PKHD1: variants seen among roughly 807,000 people sequenced by gnomAD.
PKHD1 encodes fibrocystin.
PKHD1 carries 291 observed loss-of-function variants against 412.0 expected under a neutral mutation model. The observed-to-expected ratio is 0.71, with a 90% confidence interval of 0.64 to 0.78. The LOEUF is 0.78. Among genes scored for constraint, PKHD1 ranks in the 30% least tolerant of loss-of-function variants. The pLI, the probability that PKHD1 is intolerant of heterozygous loss-of-function variation, is 0.00. For synonymous variants in PKHD1, 1,777 were observed against 1,821.5 expected (o/e 0.98, Z 0.62); for missense variants, 4,825 against 4,950.7 (o/e 0.97, Z 0.76).
At chr6:51,967,815 C>T (rs950731396) in intron 35 of PKHD1, among the ~76,000 whole-genome samples, 1 of 152,168 alleles carries the variant, frequency 6.6e-6, no homozygotes, top group Admixed American at 6.5e-5. Context: ...GCATGGAGCA[C>T]GTGTTTGTGT....
chr6:51,967,341 T>C (rs2474892), intron 35 of PKHD1, among the ~76,000 whole-genome samples: 226 of 152,214 alleles, frequency 1.5e-3, no homozygotes, highest in African/African-American at 5.2e-3. Flanking sequence ...TAGGAAAAGT[T>C]TGGGGACCCC....
intron 52 of PKHD1, among the ~76,000 whole-genome samples, chr6:51,826,264 GAACA>G (rs1294279374): frequency 6.6e-6 from 1 of 152,064 alleles, no homozygotes; most frequent in Non-Finnish European, 1.5e-5. Context: ...TTAAAAATCA[GAACA>G]AACAGAAGAG....
intron 28 of PKHD1, among the ~76,000 whole-genome samples, 153 bp downstream of exon 28, chr6:52,035,438 T>C (rs895712065): frequency 3.3e-5 from 5 of 152,194 alleles, no homozygotes; most frequent in African/African-American, 1.2e-4. Flanking sequence ...TCCCACTTCA[T>C]AGCAAAACAG....
intron 41 of PKHD1, among the ~76,000 whole-genome samples, chr6:51,905,403 G>A (rs774224470): frequency 2.6e-5 from 4 of 152,122 alleles, no homozygotes; most frequent in African/African-American, 4.8e-5. Context: ...ACTGATTGGC[G>A]CTTAAAGAGC....
Position 51,843,022 on chromosome 6 carries a change from T to C in PKHD1, c.8107+4753A>G, listed in dbSNP as rs142120929. ...GTGGGGCCAAGCAGCTTTTCCTCCT[T>C]TGGACCAAGCAAACATCCTTCTTTT... On this transcript the variant is annotated intron_variant, in intron 50 of 66. Coordinates refer to ENST00000371117, the MANE Select transcript of PKHD1 (RefSeq NM_138694.4). Among the ~76,000 whole-genome samples, 175 of 152,350 alleles carry C rather than the reference T, an allele frequency of 1.1e-3. 1 individual carries two copies. Among genetic ancestry groups the C allele is most frequent in the African/African-American group, 4.0e-3 (167 of 41,588 alleles).
intron 60 of PKHD1, among the ~76,000 whole-genome samples, chr6:51,715,261 A>C (rs546967752): frequency 1.5e-4 from 23 of 152,174 alleles, no homozygotes; most frequent in South Asian, 8.3e-4. Context: ...GGGAGCATAA[A>C]TGAACTTGCC....
intron 64 of PKHD1, among the ~76,000 whole-genome samples, chr6:51,636,090 GA>G (rs774080413): frequency 2.0e-5 from 3 of 152,160 alleles, no homozygotes; most frequent in Non-Finnish European, 4.4e-5. Context: ...AGGAAGTTGA[GA>G]AGTGATAAAT....
At chr6:51,683,064 G>A (rs1277025040) in intron 60 of PKHD1, among the ~76,000 whole-genome samples, 2 of 151,918 alleles carry the variant, frequency 1.3e-5, no homozygotes, top group Non-Finnish European at 2.9e-5. Flanking sequence ...TAAGAAACAT[G>A]GTGAGATCAA....
intron 1 of PKHD1, among the ~76,000 whole-genome samples, chr6:52,086,367 T>C (rs1812798038): frequency 6.6e-6 from 1 of 152,038 alleles, no homozygotes; most frequent in Non-Finnish European, 1.5e-5. Context: ...TGCCTCAGCC[T>C]CCCAAAGTGC....
rs1364906598 is a variant in PKHD1 at position 52,072,656 on chromosome 6, A to T, written c.528-467T>A. Among the ~76,000 whole-genome samples the T allele has an allele frequency of 2.0e-5, 3 of 152,188 alleles. No individual in the cohort carries two copies. The East Asian group carries it at 5.8e-4, about 29-fold the overall frequency. ...CTTAATGCCAGAAATGTCAATCCTG[A>T]GAGTAATAAGATCATATTCTCTTCA... On this transcript the variant is annotated intron_variant, in intron 7 of 66. Transcript: ENST00000371117.
chr6:51,865,364 G>T (rs913405989), intron 48 of PKHD1, among the ~76,000 whole-genome samples: 1 of 152,112 alleles, frequency 6.6e-6, no homozygotes, highest in Non-Finnish European at 1.5e-5. Flanking sequence ...CATCCCAACT[G>T]CTGGCTTTGA....
intron 60 of PKHD1, among the ~76,000 whole-genome samples, chr6:51,692,800 G>A (rs1285095465): frequency 6.6e-6 from 1 of 151,970 alleles, no homozygotes; most frequent in East Asian, 1.9e-4. Context: ...TTTTTCTCAT[G>A]TTTTTGATAA....
intron 23 of PKHD1, among the ~76,000 whole-genome samples, chr6:52,047,876 A>T (rs541628869): frequency 6.6e-6 from 1 of 152,384 alleles, no homozygotes; most frequent in East Asian, 1.9e-4. Flanking sequence ...AAAGCAAAAT[A>T]ATAAACTGCA....
chr6:51,947,441 ATTTAGAACC>A, intron 36 of PKHD1, among the ~76,000 whole-genome samples: 1 of 152,348 alleles, frequency 6.6e-6, no homozygotes, highest in Non-Finnish European at 1.5e-5. Context: ...AAACTCTTCT[ATTTAGAACC>A]TTTGTCTTTC....
Position 51,714,690 on chromosome 6 carries a change from A to G in PKHD1, c.10156+29695T>C, listed in dbSNP as rs554441726. On this transcript the variant is annotated intron_variant, in intron 60 of 66. Transcript: ENST00000371117. ...TGGCTAGCAGGCTACCATATTGGAT[A>G]GAACCAATATAGAACGTTCCATCAC... Among the ~76,000 whole-genome samples the G allele has an allele frequency of 4.7e-4, 72 of 152,314 alleles. 1 individual carries two copies. Among genetic ancestry groups the G allele is most frequent in the African/African-American group, 1.3e-3 (55 of 41,576 alleles).
At chr6:52,003,176 T>C (rs1266875495) in intron 35 of PKHD1, among the ~76,000 whole-genome samples, 2 of 152,170 alleles carry the variant, frequency 1.3e-5, no homozygotes, top group Non-Finnish European at 2.9e-5. Flanking sequence ...CTAAGGGAGA[T>C]ATGCATTGAA....
intron 60 of PKHD1, among the ~76,000 whole-genome samples, chr6:51,730,605 A>C (rs1783121544): frequency 6.6e-6 from 1 of 152,216 alleles, no homozygotes; most frequent in Non-Finnish European, 1.5e-5. Flanking sequence ...TCAGAAACTA[A>C]GATTACTTTT....
chr6:51,976,776 C>G (rs1794497748), intron 35 of PKHD1, among the ~76,000 whole-genome samples: 1 of 151,894 alleles, frequency 6.6e-6, no homozygotes, highest in Non-Finnish European at 1.5e-5. Context: ...GGTGAAACCC[C>G]GTTTCTACTA....
chr6:51,754,244 AC>A (rs1156866721), intron 56 of PKHD1, among the ~76,000 whole-genome samples: 1 of 152,004 alleles, frequency 6.6e-6, no homozygotes, highest in Non-Finnish European at 1.5e-5. Flanking sequence ...AATATTTGGT[AC>A]CTTTTTTATT....
Sources: gnomAD v4.1 joint callset for allele counts (sites outside exome capture counted in the v4.1 genomes callset) on GRCh38, gnomAD v4.1.1 for gene constraint, MANE v1.5 for transcripts, NCBI Gene and HGNC (gene_info 2026-07-23, HGNC 2026-07-21) for gene names.